The following ZNF423 variants were observed in gnomAD, a reference collection of about 807,000 sequenced individuals.
ZNF423 encodes Ebf-associated zinc finger protein.
Under a neutral mutation model 95.8 loss-of-function variants are expected in ZNF423, and 12 were observed. That is an observed-to-expected ratio of 0.13 (90% CI 0.08 to 0.20). ZNF423 has a LOEUF of 0.20. Ranked by LOEUF, ZNF423 falls within the 10% of genes least tolerant of loss-of-function variation. The pLI is 1.00. For missense variants in ZNF423, 1,316 were observed against 1,737.1 expected (o/e 0.76, Z 4.31); for synonymous variants, 749 against 711.9 (o/e 1.05, Z -0.83).
intron 3 of ZNF423, among the ~76,000 whole-genome samples, chr16:49,693,424 G>A (rs1274646478): frequency 6.6e-6 from 1 of 152,194 alleles, no homozygotes; most frequent in Non-Finnish European, 1.5e-5. Context: ...TCCTGGTCCT[G>A]TCTTATGCGT....
intron 7 of ZNF423, among the ~76,000 whole-genome samples, chr16:49,509,100 G>A (rs191764083): frequency 4.9e-4 from 75 of 152,236 alleles, no homozygotes; most frequent in Non-Finnish European, 9.4e-4. Context: ...AGTTGTTCCC[G>A]TTTGACCGAT....
chr16:49,638,928 A>C lies in ZNF423; in HGVS notation c.302-54T>G. The C allele has an allele frequency of 6.5e-7, 1 of 1,538,168 alleles. No individual in the cohort carries two copies. Among genetic ancestry groups the C allele is most frequent in the East Asian group, 2.3e-5 (1 of 43,340 alleles). ...AGGCAATTCCCAGGGCTGCCGAGAA[A>C]CAAGGACAGAGCCAGCTTCTCGACA... On this transcript the variant is annotated intron_variant, in intron 3 of 7. Transcript: ENST00000563137. This position sits in a 1 kb window ranked among gnomAD's most constrained non-coding sequence, Gnocchi z 5.6.
intron 1 of ZNF423, among the ~76,000 whole-genome samples, chr16:49,824,986 T>C (rs1404673948): frequency 5.9e-5 from 9 of 152,236 alleles, no homozygotes; most frequent in Non-Finnish European, 8.8e-5. Flanking sequence ...CAAATCACTG[T>C]TAAGTAGATG....
intron 7 of ZNF423, among the ~76,000 whole-genome samples, chr16:49,498,688 C>A (rs1372484251): frequency 6.6e-6 from 1 of 152,194 alleles, no homozygotes; most frequent in Non-Finnish European, 1.5e-5. Flanking sequence ...CCCTTTCCTC[C>A]CACACTTTAC....
intron 5 of ZNF423, among the ~76,000 whole-genome samples, chr16:49,609,924 T>G (rs1175073680): frequency 6.6e-6 from 1 of 152,132 alleles, no homozygotes; most frequent in Non-Finnish European, 1.5e-5. Context: ...GGAAAAAATC[T>G]TGAAAGCAGC....
chr16:49,588,984 C>G (rs1017182163), intron 5 of ZNF423, among the ~76,000 whole-genome samples: 1 of 152,254 alleles, frequency 6.6e-6, no homozygotes, highest in African/African-American at 2.4e-5. Context: ...CCCCAAGAAG[C>G]TACTGCTCAC....
intron 2 of ZNF423, among the ~76,000 whole-genome samples, chr16:49,763,904 T>C (rs969248035): frequency 2.0e-5 from 3 of 152,186 alleles, no homozygotes; most frequent in African/African-American, 7.2e-5. Flanking sequence ...GTTTAAAGCA[T>C]TTCCATCACC....
At chr16:49,696,022 C>T (rs1221562406) in intron 3 of ZNF423, among the ~76,000 whole-genome samples, 4 of 152,178 alleles carry the variant, frequency 2.6e-5, no homozygotes, top group Non-Finnish European at 5.9e-5. Flanking sequence ...AGTGCTAGGG[C>T]CAGACGTGTG....
intron 5 of ZNF423, among the ~76,000 whole-genome samples, chr16:49,570,262 C>T (rs903520233): frequency 1.3e-5 from 2 of 152,212 alleles, no homozygotes; most frequent in African/African-American, 4.8e-5. Context: ...GTGCATGGAA[C>T]TGTAACAGGC....
rs377124029 is a variant in ZNF423 at position 49,564,554 on chromosome 16, G to A, written c.3602-39060C>T. Among the ~76,000 whole-genome samples the A allele has an allele frequency of 6.9e-4, 105 of 152,300 alleles. 1 individual carries two copies. Among genetic ancestry groups the A allele is most frequent in the African/African-American group, 2.3e-3 (95 of 41,556 alleles). ...CCCCATGTTGTAGCCAGGGGAAAGCGAAGGACAGCTGGCAGCAGGTGGCTC... is the reference window on the plus strand; with the variant it reads ...CCCCATGTTGTAGCCAGGGGAAAGCAAAGGACAGCTGGCAGCAGGTGGCTC... On this transcript the variant is annotated intron_variant, in intron 5 of 7. Transcript: ENST00000563137.
At position 49,635,665 on chromosome 16, in the gene ZNF423, G is replaced by T. The variant is rs774261294; in HGVS notation, c.3511C>A (p.Pro1171Thr). 1 of 1,568,274 alleles carries T rather than the reference G, an allele frequency of 6.4e-7. No individual in the cohort carries two copies. Among genetic ancestry groups the T allele is most frequent in the African/African-American group, 1.4e-5 (1 of 73,680 alleles). The change falls in exon 4 of 8, where the codon CCC (proline) becomes ACC (threonine). Residue 1171 changes from proline to threonine, a missense_variant. Coordinates refer to ENST00000563137, the MANE Select transcript of ZNF423 (RefSeq NM_001379286.1). The surrounding 1 kb of genome is among the most constrained non-coding windows in gnomAD (Gnocchi z 4.8). ...PRKGTQTSPV[P>T]RKKTYQCIKC... The stretch of plus-strand genomic sequence containing the variant: ...ATGAGGTGGACTGCACTTACCCGGG[G>T]CACTGGCGATGTCTGGGTGCCTTTC...
At chr16:49,613,571 T>C (rs749235910) in intron 5 of ZNF423, among the ~76,000 whole-genome samples, 3 of 152,196 alleles carry the variant, frequency 2.0e-5, no homozygotes, top group Non-Finnish European at 4.4e-5. Context: ...ATGCCTGTAG[T>C]CCTAGCTATT....
At chr16:49,617,901 A>C (rs142615310) in intron 5 of ZNF423, among the ~76,000 whole-genome samples, 3 of 152,060 alleles carry the variant, frequency 2.0e-5, no homozygotes, top group Non-Finnish European at 4.4e-5. Context: ...ACTGCACCCA[A>C]TTGATATTCC....
intron 3 of ZNF423, among the ~76,000 whole-genome samples, chr16:49,686,556 G>A (rs555678010): frequency 3.9e-5 from 6 of 152,174 alleles, no homozygotes; most frequent in African/African-American, 1.4e-4. Flanking sequence ...CAGGTCCCCT[G>A]TCAGTGCCCT....
chr16:49,821,689 C>A (rs1000447284), intron 1 of ZNF423, among the ~76,000 whole-genome samples: 17 of 152,330 alleles, frequency 1.1e-4, no homozygotes, highest in African/African-American at 4.1e-4. Context: ...TTTGTCCCTG[C>A]CTGGCAGCCC....
At chr16:49,493,754 T>C (rs1967058198) in intron 7 of ZNF423, among the ~76,000 whole-genome samples, 2 of 152,198 alleles carry the variant, frequency 1.3e-5, no homozygotes, top group South Asian at 2.1e-4. Flanking sequence ...GATGTGGATA[T>C]GTGGAAAGGG....
intron 3 of ZNF423, among the ~76,000 whole-genome samples, chr16:49,681,823 C>T (rs1019057439): frequency 6.6e-6 from 1 of 152,046 alleles, no homozygotes; most frequent in East Asian, 1.9e-4. Flanking sequence ...TGGAGTGCAG[C>T]GATGCAATCA....
chr16:49,660,276 A>T (rs2030139071), intron 3 of ZNF423, among the ~76,000 whole-genome samples: 1 of 152,218 alleles, frequency 6.6e-6, no homozygotes, highest in East Asian at 1.9e-4. Flanking sequence ...GGCATGAATA[A>T]ATGAATAAAT....
intron 3 of ZNF423, chr16:49,711,922 C>T (rs1192592503): frequency 6.6e-6 from 1 of 151,942 alleles, no homozygotes; most frequent in Non-Finnish European, 1.5e-5. Flanking sequence ...CAGCCCTGGG[C>T]AACACACGGT....
Sources: allele counts gnomAD v4.1 joint callset (sites outside exome capture counted in the v4.1 genomes callset), GRCh38; gene constraint gnomAD v4.1.1; non-coding constraint Gnocchi (gnomAD v3.1); transcripts MANE v1.5; gene names NCBI Gene and HGNC (gene_info 2026-07-23, HGNC 2026-07-21).